The following C6orf118 variants were observed in gnomAD, a reference collection of about 807,000 sequenced individuals.
The protein encoded by C6orf118 is chromosome 6 open reading frame 118.
In C6orf118, 50 loss-of-function variants were observed where a neutral mutation model predicts 50.2. The observed-to-expected ratio is 1.00, with a 90% CI of 0.79 to 1.26. The LOEUF (loss-of-function observed/expected upper bound fraction) is 1.26. C6orf118 is among the 50% of genes most tolerant of loss of function. The probability of loss-of-function intolerance (pLI) is 0.00; values close to 1 mark genes in which losing one functional copy is unlikely to be tolerated. For missense variants in C6orf118, 641 were observed against 578.7 expected (o/e 1.11, Z -1.10); for synonymous variants, 239 against 230.9 (o/e 1.03, Z -0.32).
chr6:165,290,354 T>C (rs1442257887), intron 6 of C6orf118, among the ~76,000 whole-genome samples: 1 of 152,008 alleles, frequency 6.6e-6, no homozygotes, highest in Non-Finnish European at 1.5e-5. Flanking sequence ...GTGTGTGATT[T>C]AGCAGTGCAG....
intron 6 of C6orf118, 91 bp from the exon 7 acceptor site, chr6:165,290,158 C>A (rs1027732965): frequency 4.0e-6 from 3 of 753,572 alleles, no homozygotes; most frequent in East Asian, 2.8e-5. Flanking sequence ...ATTATGTATG[C>A]TATAGTATAT....
chr6:165,279,948 C>T lies in C6orf118; in HGVS notation c.*109G>A. The T allele has an allele frequency of 8.9e-7, 1 of 1,121,366 alleles. No individual in the cohort carries two copies. Among genetic ancestry groups the T allele is most frequent in the South Asian group, 1.6e-5 (1 of 62,860 alleles). The allele number at this position is 1,121,366 out of a possible 1,614,324, so 69.5% of individuals were successfully genotyped here. A position where few individuals can be genotyped will look rare whatever the true frequency, so the allele number is the denominator to read the frequency against. Reference sequence around the variant, plus strand: ...ACATTAATTTTACTAGAGATTAAAGCTGATGAAATGAAATGTATCTTTATG... The same window carrying T: ...ACATTAATTTTACTAGAGATTAAAGTTGATGAAATGAAATGTATCTTTATG... On this transcript the variant is annotated 3_prime_UTR_variant, in exon 9 of 9. Transcript: ENST00000230301.
intron 1 of C6orf118, among the ~76,000 whole-genome samples, chr6:165,308,015 G>C (rs1247459342): frequency 1.3e-5 from 2 of 152,230 alleles, no homozygotes; most frequent in Non-Finnish European, 2.9e-5. Flanking sequence ...GTGTGCTTCA[G>C]GGGTGGGATG....
chr6:165,289,096 C>T (rs1780017381), intron 7 of C6orf118, among the ~76,000 whole-genome samples: 1 of 150,610 alleles, frequency 6.6e-6, no homozygotes. Context: ...TCTTCTAAAA[C>T]AGGGGTCAAA....
chr6:165,285,573 C>T (rs1779874926), intron 7 of C6orf118, among the ~76,000 whole-genome samples: 2 of 151,430 alleles, frequency 1.3e-5, no homozygotes, highest in South Asian at 2.1e-4. Context: ...TCAGCAATAA[C>T]AAACAGTCTC....
intron 4 of C6orf118, among the ~76,000 whole-genome samples, chr6:165,298,935 TAC>T (rs1222709972): frequency 3.3e-5 from 5 of 152,366 alleles, no homozygotes; most frequent in African/African-American, 9.6e-5. Flanking sequence ...CTATCTTAGC[TAC>T]AGTGTTAGAT....
intron 6 of C6orf118, among the ~76,000 whole-genome samples, chr6:165,291,709 G>A (rs1211775369): frequency 6.6e-6 from 1 of 152,222 alleles, no homozygotes; most frequent in East Asian, 1.9e-4. Context: ...CCAAAGAGAT[G>A]CTGGACTCCA....
Position 165,279,715 on chromosome 6 carries a change from G to A in C6orf118, c.*342C>T, listed in dbSNP as rs546511344. On this transcript the variant is annotated 3_prime_UTR_variant, in exon 9 of 9. Transcript: ENST00000230301. Reference sequence around the variant, plus strand: ...AAATGCATATATGTAAACTTGTGTTGGCAAATAAACAAATTTGAGCTGTAT... The same window carrying A: ...AAATGCATATATGTAAACTTGTGTTAGCAAATAAACAAATTTGAGCTGTAT... 1.5e-5 allele frequency: 3 copies of A among 199,486 alleles called. No homozygotes were observed. The highest frequency in any genetic ancestry group is 6.0e-5 in the Admixed American group (1 of 16,770). The allele number at this position is 199,486 out of a possible 1,614,324, so 12.4% of individuals were successfully genotyped here. A position where few individuals can be genotyped will look rare whatever the true frequency, so the allele number is the denominator to read the frequency against.
At chr6:165,301,475 A>G in intron 2 of C6orf118, 94 bp downstream of exon 2, 1 of 1,475,708 alleles carries the variant, frequency 6.8e-7, no homozygotes, top group Non-Finnish European at 9.0e-7. Context: ...CTGCCCCGAG[A>G]GGTTTGCCCC....
At chr6:165,296,669 C>T (rs912093280) in intron 5 of C6orf118, among the ~76,000 whole-genome samples, 1 of 152,196 alleles carries the variant, frequency 6.6e-6, no homozygotes, top group Non-Finnish European at 1.5e-5. Flanking sequence ...TCCTCACTCT[C>T]TCTCTTGCTC....
At chr6:165,306,893 A>G (rs766422316) in intron 1 of C6orf118, among the ~76,000 whole-genome samples, 5 of 151,232 alleles carry the variant, frequency 3.3e-5, no homozygotes, top group Non-Finnish European at 5.9e-5. Flanking sequence ...AAATATTTTA[A>G]TCATTTTCCC....
chr6:165,297,470 A>G (rs1211919425), intron 5 of C6orf118, among the ~76,000 whole-genome samples: 2 of 151,524 alleles, frequency 1.3e-5, no homozygotes, highest in Non-Finnish European at 1.5e-5. Flanking sequence ...TTCTGGTTAC[A>G]CTAGAAGCCA....
At position 165,302,210 on chromosome 6, in the gene C6orf118, G is replaced by T; in HGVS notation, c.112C>A (p.Leu38Met). The T allele has an allele frequency of 6.2e-7, 1 of 1,612,784 alleles. No homozygotes were observed. The highest frequency in any genetic ancestry group is 8.5e-7 in the Non-Finnish European group (1 of 1,179,090). The change falls in exon 2 of 9, where the codon CTG becomes ATG. Residue 38 changes from leucine (L) to methionine (M), a missense_variant. Transcript: ENST00000230301. ...KHCETPGVKT[L>M]CNLKKLLNRL... ...TTCAGAAGTTTCTTCAGATTACACA[G>T]GGTCTTCACTCCTGGCGTCTCGCAG...
intron 5 of C6orf118, among the ~76,000 whole-genome samples, chr6:165,295,759 T>TC (rs1472240132): frequency 2.6e-5 from 4 of 152,048 alleles, no homozygotes; most frequent in African/African-American, 7.2e-5. Context: ...CTGATTTTCC[T>TC]TTTTATAGGT....
chr6:165,287,701 T>A (rs1379851161), intron 7 of C6orf118, among the ~76,000 whole-genome samples: 1 of 152,152 alleles, frequency 6.6e-6, no homozygotes, highest in African/African-American at 2.4e-5. Context: ...CCCTATTTAA[T>A]AAATAGTGCT....
intron 7 of C6orf118, among the ~76,000 whole-genome samples, chr6:165,285,958 A>G (rs1367407488): frequency 1.3e-5 from 2 of 152,064 alleles, no homozygotes; most frequent in Admixed American, 1.3e-4. Context: ...GACACAAAAA[A>G]ACCTTCAAAA....
chr6:165,290,824 C>T (rs1044031078), intron 6 of C6orf118, among the ~76,000 whole-genome samples: 1 of 152,132 alleles, frequency 6.6e-6, no homozygotes, highest in Admixed American at 6.5e-5. Flanking sequence ...CTGTTTCACG[C>T]TGCTGATAAA....
chr6:165,284,733 T>G (rs1000960672), intron 7 of C6orf118, among the ~76,000 whole-genome samples: 1 of 152,118 alleles, frequency 6.6e-6, no homozygotes, highest in African/African-American at 2.4e-5. Flanking sequence ...ATAAGCTTCA[T>G]AAGCAAAGGA....
chr6:165,302,181 C>A lies in C6orf118; in HGVS notation c.141G>T (p.Arg47=). The stretch of plus-strand genomic sequence containing the variant: ...CGTCCTCCCGGTGGTCTTTCTGAAG[C>A]CGATTCAGAAGTTTCTTCAGATTAC... ...TLCNLKKLLN[R]LQKDHREDVY... Residue 47 remains arginine (R), a synonymous_variant, in exon 2 of 9, where the codon CGG becomes CGT. Coordinates refer to ENST00000230301, the MANE Select transcript of C6orf118 (RefSeq NM_144980.4). 1.2e-6 allele frequency: 2 copies of A among 1,612,664 alleles called. No homozygotes were observed. The highest frequency in any genetic ancestry group is 1.7e-6 in the Non-Finnish European group (2 of 1,179,942).
Sources: gnomAD v4.1 joint callset for allele counts (sites outside exome capture counted in the v4.1 genomes callset) on GRCh38, gnomAD v4.1.1 for gene constraint, MANE v1.5 for transcripts, NCBI Gene and HGNC (gene_info 2026-07-23, HGNC 2026-07-21) for gene names.